Variants in BRD10 observed in about 807,000 individuals in gnomAD.
BRD10 encodes the protein bromodomain containing 10.
chr9:5,923,057 G>A, the BRD10 span: 6 of 1,613,966 alleles, frequency 3.7e-6, no homozygotes, highest in Admixed American at 3.3e-5. Context: ...TGATGGCTCT[G>A]TATGCTTTGA....
the BRD10 span, among the ~76,000 whole-genome samples, chr9:5,925,173 A>G: frequency 6.6e-6 from 1 of 152,094 alleles, no homozygotes; most frequent in African/African-American, 2.4e-5. Flanking sequence ...AGCCTGGCCA[A>G]CACGGTGAAG....
the BRD10 span, chr9:5,909,640 A>G: frequency 6.6e-6 from 1 of 152,260 alleles, no homozygotes; most frequent in Non-Finnish European, 1.5e-5. Context: ...ACTAATGACA[A>G]GTATTTTCTA....
At chr9:6,001,512 A>G in the BRD10 span, among the ~76,000 whole-genome samples, 4 of 152,158 alleles carry the variant, frequency 2.6e-5, no homozygotes, top group Non-Finnish European at 4.4e-5. Context: ...CTGCCTCCGT[A>G]CTTTAACTTT....
the BRD10 span, among the ~76,000 whole-genome samples, chr9:5,882,347 G>C: frequency 4.6e-5 from 7 of 152,150 alleles, no homozygotes; most frequent in African/African-American, 1.7e-4. Flanking sequence ...CCCACCTCTA[G>C]ACACTTTATG....
chr9:5,920,194 T>C, the BRD10 span: 2 of 1,613,968 alleles, frequency 1.2e-6, no homozygotes, highest in Admixed American at 1.7e-5. Flanking sequence ...TATCTATTGG[T>C]GTAGATTGAA....
At chr9:5,967,747 C>T in the BRD10 span, among the ~76,000 whole-genome samples, 1 of 148,598 alleles carries the variant, frequency 6.7e-6, no homozygotes, top group Non-Finnish European at 1.5e-5. Flanking sequence ...GAAATTGGTC[C>T]AGAGAAAGGT....
chr9:5,977,668 T>C, the BRD10 span, among the ~76,000 whole-genome samples: 1 of 152,064 alleles, frequency 6.6e-6, no homozygotes, highest in East Asian at 1.9e-4. Context: ...ATCCCGTCTC[T>C]ACTAAAAATA....
At chr9:5,969,497 T>A in the BRD10 span, 35 of 1,124,706 alleles carry the variant, frequency 3.1e-5, no homozygotes, top group Non-Finnish European at 3.5e-5. Flanking sequence ...ATGATAAATT[T>A]TAAGTATATT....
the BRD10 span, among the ~76,000 whole-genome samples, chr9:5,991,690 A>G: frequency 6.7e-6 from 1 of 149,332 alleles, no homozygotes; most frequent in Non-Finnish European, 1.5e-5. Context: ...GTGCCATTGC[A>G]TTCCAGCCTG....
chr9:5,999,135 C>A, the BRD10 span, among the ~76,000 whole-genome samples: 1,469 of 151,886 alleles, frequency 9.7e-3, 14 homozygotes, highest in South Asian at 0.016. Context: ...GGCAAAGTTG[C>A]TAAAAACAAC....
the BRD10 span, among the ~76,000 whole-genome samples, chr9:5,947,251 T>G: frequency 1.0e-3 from 152 of 152,168 alleles, no homozygotes; most frequent in African/African-American, 3.6e-3. Flanking sequence ...AATAAAACAG[T>G]TTTTTGTTTA....
the BRD10 span, chr9:6,007,329 G>A: frequency 3.7e-6 from 6 of 1,613,718 alleles, no homozygotes; most frequent in East Asian, 2.2e-5. Flanking sequence ...ACTCGGTGAT[G>A]CCCCCGTACT....
the BRD10 span, chr9:6,007,815 T>G: frequency 7.0e-7 from 1 of 1,437,902 alleles, no homozygotes; most frequent in Non-Finnish European, 9.0e-7. Flanking sequence ...CTGGGCGGTG[T>G]GGAACAGCCG....
At chr9:5,991,983 T>A in the BRD10 span, among the ~76,000 whole-genome samples, 1 of 152,132 alleles carries the variant, frequency 6.6e-6, no homozygotes, top group African/African-American at 2.4e-5. Context: ...TCACTCTCCT[T>A]TAAGACACTC....
At chr9:5,982,447 G>T in the BRD10 span, among the ~76,000 whole-genome samples, 4 of 152,262 alleles carry the variant, frequency 2.6e-5, no homozygotes, top group African/African-American at 9.6e-5. Context: ...GCCTTCAAGA[G>T]GTTATTGGGT....
chr9:5,899,088 C>A, the BRD10 span: 1 of 152,236 alleles, frequency 6.6e-6, no homozygotes, highest in South Asian at 2.1e-4. Context: ...CACTTCAGCA[C>A]TTCAGCACCC....
At chr9:5,932,073 G>C in the BRD10 span, among the ~76,000 whole-genome samples, 1 of 152,080 alleles carries the variant, frequency 6.6e-6, no homozygotes, top group Non-Finnish European at 1.5e-5. Context: ...GGTATACAAT[G>C]AAATTAATGT....
chr9:5,946,550 A>C, the BRD10 span, among the ~76,000 whole-genome samples: 3 of 152,108 alleles, frequency 2.0e-5, no homozygotes, highest in Non-Finnish European at 4.4e-5. Flanking sequence ...GATTTTTATT[A>C]AGTATTCAGT....
the BRD10 span, among the ~76,000 whole-genome samples, chr9:5,879,450 C>T: frequency 6.4e-4 from 97 of 152,232 alleles, 1 homozygote; most frequent in Middle Eastern, 3.4e-3. Context: ...CCCACACAGC[C>T]GGCTGCTGGC....
Sources: allele counts gnomAD v4.1 joint callset (sites outside exome capture counted in the v4.1 genomes callset), GRCh38; gene constraint gnomAD v4.1.1; transcripts MANE v1.5; gene names NCBI Gene and HGNC (gene_info 2026-07-23, HGNC 2026-07-21).